The following GRIK4 variants were observed in gnomAD, a reference collection of about 807,000 sequenced individuals.
GRIK4 encodes glutamate ionotropic receptor kainate type subunit 4.
In GRIK4, 40 loss-of-function variants were observed where a neutral mutation model predicts 104.9. That is an observed-to-expected ratio of 0.38 (90% CI 0.30 to 0.50). The LOEUF (loss-of-function observed/expected upper bound fraction) is 0.50. GRIK4 is among the 20% of genes least tolerant of loss of function. The pLI is 0.93. For synonymous variants in GRIK4, 485 were observed against 524.9 expected (o/e 0.92, Z 1.04); for missense variants, 1,047 against 1,308.1 (o/e 0.80, Z 3.08).
intron 9 of GRIK4, among the ~76,000 whole-genome samples, chr11:120,867,583 C>A (rs559074787): frequency 7.2e-5 from 11 of 152,092 alleles, no homozygotes; most frequent in Non-Finnish European, 2.9e-5. Context: ...AAGGGTCTGC[C>A]GCTCTTCCTC....
chr11:120,729,412 G>C lies in GRIK4; in HGVS notation c.82+69012G>C, dbSNP rs189049032. 2.6e-5 allele frequency among the ~76,000 whole-genome samples: 4 copies of C among 152,274 alleles called. No individual in the cohort carries two copies. In the East Asian group the frequency reaches 7.7e-4, roughly 29 times the overall value. On this transcript the variant is annotated intron_variant, in intron 3 of 20. Transcript: ENST00000527524. ...AGGGTTCCCTTTTCTCCACATGCTT[G>C]CCAGCGTTTGTTATTGCCTGACTTT...
intron 3 of GRIK4, among the ~76,000 whole-genome samples, chr11:120,770,616 A>G (rs1951923183): frequency 2.0e-5 from 3 of 152,198 alleles, no homozygotes; most frequent in Admixed American, 6.5e-5. Flanking sequence ...GCCTAATTCT[A>G]TATTTTATGC....
intron 1 of GRIK4, among the ~76,000 whole-genome samples, chr11:120,561,927 A>G (rs1948243204): frequency 6.6e-6 from 1 of 152,258 alleles, no homozygotes; most frequent in Admixed American, 6.5e-5. Flanking sequence ...AGGGTGCCAA[A>G]TAAGGCAAAG....
intron 3 of GRIK4, among the ~76,000 whole-genome samples, chr11:120,730,314 C>T (rs570363407): frequency 5.7e-4 from 87 of 152,198 alleles, no homozygotes; most frequent in African/African-American, 1.7e-3. Context: ...GGTGCAATTG[C>T]GCCACTGCAC....
At chr11:120,980,760 T>A (rs1161537647) in intron 19 of GRIK4, among the ~76,000 whole-genome samples, 1 of 152,128 alleles carries the variant, frequency 6.6e-6, no homozygotes, top group Non-Finnish European at 1.5e-5. Context: ...AGTGTATAGT[T>A]CATTTGGTGT....
intron 3 of GRIK4, among the ~76,000 whole-genome samples, chr11:120,734,715 A>G (rs1376727799): frequency 1.3e-5 from 2 of 152,056 alleles, no homozygotes; most frequent in African/African-American, 4.8e-5. Flanking sequence ...TCTTGTAGGC[A>G]TGTTTCATTC....
chr11:120,717,350 T>C (rs897307883), intron 3 of GRIK4, among the ~76,000 whole-genome samples: 2 of 152,200 alleles, frequency 1.3e-5, no homozygotes, highest in African/African-American at 4.8e-5. Context: ...TATCACGAGG[T>C]GAGATGTTAC....
chr11:120,783,994 G>A (rs914124314), intron 3 of GRIK4, among the ~76,000 whole-genome samples: 3 of 152,166 alleles, frequency 2.0e-5, no homozygotes, highest in Non-Finnish European at 4.4e-5. Flanking sequence ...GGAGGCTGAG[G>A]GGACAGGGAG....
At chr11:120,886,898 C>A (rs183349748) in intron 11 of GRIK4, among the ~76,000 whole-genome samples, 1 of 152,268 alleles carries the variant, frequency 6.6e-6, no homozygotes, top group South Asian at 2.1e-4. Context: ...TATATTCCTG[C>A]GGTCAAAAAG....
intron 9 of GRIK4, chr11:120,871,273 T>A (rs983918829): frequency 4.3e-6 from 1 of 230,250 alleles, no homozygotes; most frequent in African/African-American, 2.2e-5. Flanking sequence ...AGCATTAGTC[T>A]GTGGCATGTG....
intron 3 of GRIK4, among the ~76,000 whole-genome samples, chr11:120,787,681 T>A (rs1341131955): frequency 6.6e-6 from 1 of 151,584 alleles, no homozygotes; most frequent in Non-Finnish European, 1.5e-5. Flanking sequence ...CAGGCTGGTT[T>A]GGAACTCCTG....
At chr11:120,714,830 C>A (rs563363392) in intron 3 of GRIK4, among the ~76,000 whole-genome samples, 1 of 152,112 alleles carries the variant, frequency 6.6e-6, no homozygotes, top group Admixed American at 6.5e-5. Context: ...AGGTAGGAAG[C>A]GGTCAGATCA....
chr11:120,667,693 T>C (rs1045992709), intron 3 of GRIK4, among the ~76,000 whole-genome samples: 3 of 152,212 alleles, frequency 2.0e-5, no homozygotes, highest in Non-Finnish European at 4.4e-5. Flanking sequence ...AGCTGAGATA[T>C]GGTACCTGGG....
At chr11:120,741,548 G>A (rs568800940) in intron 3 of GRIK4, among the ~76,000 whole-genome samples, 1 of 152,250 alleles carries the variant, frequency 6.6e-6, no homozygotes, top group Admixed American at 6.5e-5. Context: ...AAAGTGCTGG[G>A]ATTACAGGCA....
At chr11:120,523,961 T>C (rs1947828192) in intron 1 of GRIK4, among the ~76,000 whole-genome samples, 1 of 151,026 alleles carries the variant, frequency 6.6e-6, no homozygotes, top group Non-Finnish European at 1.5e-5. Flanking sequence ...GGAGCCTTGC[T>C]CTGTCACCAG....
chr11:120,748,908 C>T (rs976135434), intron 3 of GRIK4, among the ~76,000 whole-genome samples: 2 of 152,140 alleles, frequency 1.3e-5, no homozygotes, highest in Non-Finnish European at 2.9e-5. Context: ...TTTCTAAGGT[C>T]TCCTCAAAAA....
intron 1 of GRIK4, among the ~76,000 whole-genome samples, chr11:120,547,767 A>G (rs1316404171): frequency 6.6e-6 from 1 of 152,222 alleles, no homozygotes; most frequent in Non-Finnish European, 1.5e-5. Context: ...GCCCCTCCCC[A>G]TGGGTCTACT....
chr11:120,940,369 G>C lies in GRIK4; in HGVS notation c.1499G>C (p.Gly500Ala), dbSNP rs758104457. 2 of 1,612,588 alleles carry C rather than the reference G, an allele frequency of 1.2e-6. No homozygotes were observed. The highest frequency in any genetic ancestry group is 1.7e-6 in the Non-Finnish European group (2 of 1,178,690). The change falls in exon 14 of 21, where the codon GGC becomes GCC. Residue 500 changes from glycine (G) to alanine (A), a missense_variant. Coordinates refer to ENST00000527524, the MANE Select transcript of GRIK4 (RefSeq NM_014619.5). This position sits in a 1 kb window ranked among gnomAD's most constrained non-coding sequence, Gnocchi z 4.3. ...CAGAAAGCAGATCTGGCTGTGGCAGGCCTCACCATTACAGCTGAACGGGAG... is the reference window on the plus strand; with the variant it reads ...CAGAAAGCAGATCTGGCTGTGGCAGCCCTCACCATTACAGCTGAACGGGAG... ...IARKADLAVA[G>A]LTITAEREKV...
chr11:120,986,170 C>T lies in GRIK4; in HGVS notation c.2781C>T (p.Arg927=), dbSNP rs774930206. 41 of 1,554,544 alleles carry T rather than the reference C, an allele frequency of 2.6e-5. No individual in the cohort carries two copies. Among genetic ancestry groups the T allele is most frequent in the Non-Finnish European group, 3.5e-5 (41 of 1,159,742 alleles). The part of the protein sequence containing the change: ...THIRVCPECR[R]FQGLRARPSP... ...TCCGCGTCTGCCCCGAGTGCCGCCG[C>T]TTCCAGGGCCTGCGGGCACGGCCGT... The change falls in exon 21 of 21, where the codon CGC becomes CGT. Residue 927 remains arginine (R), a synonymous_variant. Transcript: ENST00000527524.
Sources: gnomAD v4.1 joint callset for allele counts (sites outside exome capture counted in the v4.1 genomes callset) on GRCh38, gnomAD v4.1.1 for gene constraint, Gnocchi (gnomAD v3.1) non-coding constraint, MANE v1.5 for transcripts, NCBI Gene and HGNC (gene_info 2026-07-23, HGNC 2026-07-21) for gene names.